ITGBL1: variants seen among roughly 807,000 people sequenced by gnomAD.
ITGBL1 encodes the protein integrin beta-like protein 1.
A neutral mutation model predicts 68.5 loss-of-function variants in ITGBL1; 51 were observed. That is an observed-to-expected ratio of 0.74 (90% CI 0.59 to 0.94). The LOEUF (loss-of-function observed/expected upper bound fraction) is 0.94, where lower values mean the gene tolerates loss of function less well. Ranked by LOEUF, ITGBL1 falls within the 40% of genes least tolerant of loss-of-function variation. The pLI is 0.00. For synonymous variants in ITGBL1, 209 were observed against 227.3 expected, an observed-to-expected ratio of 0.92 and a Z score of 0.72; for missense variants, 649 against 647.4, an observed-to-expected ratio of 1.00 and a Z score of -0.03.
chr13:101,634,020 T>C (rs181997341), intron 7 of ITGBL1, among the ~76,000 whole-genome samples: 2 of 152,270 alleles, frequency 1.3e-5, no homozygotes, highest in Admixed American at 1.3e-4. Flanking sequence ...TGTACAAATA[T>C]AATGAGAAAA....
At chr13:101,491,964 A>G (rs1476287148) in intron 2 of ITGBL1, among the ~76,000 whole-genome samples, 3 of 152,114 alleles carry the variant, frequency 2.0e-5, no homozygotes, top group Admixed American at 2.0e-4. Flanking sequence ...ACATGAACTC[A>G]TCCTTTTTTA....
chr13:101,454,210 C>T, intron 2 of ITGBL1, 110 bp downstream of exon 2: 1 of 659,698 alleles, frequency 1.5e-6, no homozygotes, highest in Non-Finnish European at 2.3e-6. Context: ...TTCACATAAG[C>T]ACCAATTAAG....
chr13:101,569,216 G>A (rs1450483637), intron 3 of ITGBL1, among the ~76,000 whole-genome samples: 1 of 151,896 alleles, frequency 6.6e-6, no homozygotes, highest in Non-Finnish European at 1.5e-5. Context: ...TCTGTTTTGG[G>A]TTTGAAATCT....
intron 7 of ITGBL1, among the ~76,000 whole-genome samples, chr13:101,660,392 G>T (rs1365053973): frequency 1.3e-5 from 2 of 152,094 alleles, no homozygotes; most frequent in African/African-American, 4.8e-5. Flanking sequence ...GTTGGCAAAT[G>T]CTGGTGGGGC....
chr13:101,473,630 C>A (rs759458631), intron 2 of ITGBL1, among the ~76,000 whole-genome samples: 4 of 152,130 alleles, frequency 2.6e-5, no homozygotes, highest in Non-Finnish European at 5.9e-5. Flanking sequence ...GGGCTTGGAG[C>A]CAGTGGATGT....
chr13:101,534,634 T>C (rs948196710), intron 2 of ITGBL1, among the ~76,000 whole-genome samples: 5 of 152,030 alleles, frequency 3.3e-5, no homozygotes, highest in Non-Finnish European at 7.4e-5. Context: ...ATCTTCCTGA[T>C]GAAGCAGAAA....
At chr13:101,687,468 T>C (rs2033781355) in intron 7 of ITGBL1, among the ~76,000 whole-genome samples, 1 of 151,924 alleles carries the variant, frequency 6.6e-6, no homozygotes, top group Admixed American at 6.6e-5. Flanking sequence ...AGTTGGGCTT[T>C]TTGCTTATAT....
intron 2 of ITGBL1, among the ~76,000 whole-genome samples, chr13:101,480,453 C>T (rs1390135423): frequency 1.3e-5 from 2 of 151,582 alleles, no homozygotes; most frequent in Non-Finnish European, 2.9e-5. Context: ...AACACAAATA[C>T]TAGATGAATG....
chr13:101,464,617 C>T (rs992568653), intron 2 of ITGBL1, among the ~76,000 whole-genome samples: 1 of 151,642 alleles, frequency 6.6e-6, no homozygotes, highest in Non-Finnish European at 1.5e-5. Context: ...ATATTTTACC[C>T]ATTTATATTT....
intron 4 of ITGBL1, among the ~76,000 whole-genome samples, chr13:101,576,383 A>G (rs1036292913): frequency 6.6e-6 from 1 of 152,156 alleles, no homozygotes; most frequent in African/African-American, 2.4e-5. Context: ...CTTCTGCTCA[A>G]CCTGCAAGCC....
chr13:101,630,814 C>A (rs1465061807), intron 7 of ITGBL1, among the ~76,000 whole-genome samples: 2 of 152,094 alleles, frequency 1.3e-5, no homozygotes, highest in Non-Finnish European at 2.9e-5. Flanking sequence ...TTACCTGCTC[C>A]CTTGTAATCT....
intron 2 of ITGBL1, among the ~76,000 whole-genome samples, chr13:101,540,715 G>T (rs960711513): frequency 6.6e-6 from 1 of 152,014 alleles, no homozygotes; most frequent in Non-Finnish European, 1.5e-5. Flanking sequence ...TCGTTTGTAT[G>T]CTCTTTTATT....
At chr13:101,567,937 A>C in intron 3 of ITGBL1, 92 bp downstream of exon 3, 2 of 960,804 alleles carry the variant, frequency 2.1e-6, no homozygotes, top group African/African-American at 1.7e-5. Flanking sequence ...GTTGAATCTC[A>C]GAGTGAGTCT....
chr13:101,523,174 T>C (rs1020383864), intron 2 of ITGBL1, among the ~76,000 whole-genome samples: 10 of 152,326 alleles, frequency 6.6e-5, no homozygotes, highest in African/African-American at 2.4e-4. Context: ...GAAATAAATA[T>C]TTGGCCCTAG....
intron 8 of ITGBL1, among the ~76,000 whole-genome samples, chr13:101,694,663 T>G (rs2033963043): frequency 6.6e-6 from 1 of 152,096 alleles, no homozygotes; most frequent in African/African-American, 2.4e-5. Context: ...CTCAAGGGAT[T>G]CTCCTGCCTT....
rs556042547 is a variant in ITGBL1, at chr13:101,587,481, CCCGACTGT to C, written c.868+4128_868+4135del. On this transcript the variant is annotated intron_variant, in intron 6 of 10. Transcript: ENST00000376180. ...GGCATGAATGGGCATCCTGACGTGT[CCCGACTGT>C]CCTGTTTGTTACACCCAATTTACTT... 5.1e-4 allele frequency among the ~76,000 whole-genome samples: 77 copies of C among 152,248 alleles called. 1 individual carries two copies. The highest frequency in any genetic ancestry group is 3.9e-3 in the Admixed American group (60 of 15,290).
intron 2 of ITGBL1, among the ~76,000 whole-genome samples, chr13:101,464,480 T>G (rs1193824895): frequency 1.3e-5 from 2 of 152,028 alleles, no homozygotes. Flanking sequence ...ACATTCTGGT[T>G]TATTATGTAT....
At chr13:101,458,690 A>G (rs939164371) in intron 2 of ITGBL1, among the ~76,000 whole-genome samples, 6 of 152,250 alleles carry the variant, frequency 3.9e-5, no homozygotes, top group East Asian at 1.9e-4. Flanking sequence ...CACATCCTCT[A>G]GTAAACTTTA....
intron 2 of ITGBL1, among the ~76,000 whole-genome samples, chr13:101,479,173 A>ATT (rs34045538): frequency 1.3e-5 from 2 of 151,936 alleles, no homozygotes; most frequent in Admixed American, 1.3e-4. Flanking sequence ...CAGTGACCTC[A>ATT]TTTTTTATAA....
Sources: gnomAD v4.1 joint callset for allele counts (sites outside exome capture counted in the v4.1 genomes callset) on GRCh38, gnomAD v4.1.1 for gene constraint, MANE v1.5 for transcripts, NCBI Gene and HGNC (gene_info 2026-07-23, HGNC 2026-07-21) for gene names.